The following MBD6 variants were observed in gnomAD, a reference collection of about 807,000 sequenced individuals.
MBD6 encodes the protein methyl-CpG binding domain protein 6.
MBD6 carries 22 observed loss-of-function variants against 66.8 expected under a neutral mutation model. The observed-to-expected ratio is 0.33, with a 90% CI of 0.24 to 0.47. The LOEUF is 0.47. Ranked by LOEUF, MBD6 falls within the 20% of genes least tolerant of loss-of-function variation. The pLI is 1.00. For missense variants in MBD6, 1,322 were observed against 1,286.9 expected (o/e 1.03, Z -0.42); for synonymous variants, 540 against 534.6 (o/e 1.01, Z -0.14).
intron 6 of MBD6, 32 bp downstream of exon 6, chr12:57,526,420 C>T: frequency 6.5e-7 from 1 of 1,537,412 alleles, no homozygotes; most frequent in South Asian, 1.3e-5. Context: ...CTTCCTCATC[C>T]TGGCTGGAAA....
upstream of MBD6, chr12:57,521,487 A>T (rs898157013): frequency 6.6e-6 from 1 of 152,266 alleles, no homozygotes; most frequent in Non-Finnish European, 1.5e-5. Context: ...CAAAACAAAC[A>T]AACAAAAAAA....
Position 57,524,554 on chromosome 12 carries a change from T to G in MBD6, c.113+138T>G. The G allele has an allele frequency of 3.8e-6, 4 of 1,050,960 alleles. No individual in the cohort carries two copies. In the Admixed American group the frequency reaches 7.9e-5, roughly 21 times the overall value. 65.1% of individuals were successfully genotyped at this position (1,050,960 alleles called of 1,614,324 possible). A position where few individuals can be genotyped will look rare whatever the true frequency, so the allele number is the denominator to read the frequency against. ...CCTTCCTTCCTCAGCCTTTTTGCTT[T>G]CTGTAGCTCTGGGCCTTTGAATCCA... On this transcript the variant is annotated intron_variant, in intron 3 of 12. Coordinates refer to ENST00000355673, the MANE Select transcript of MBD6 (RefSeq NM_052897.4).
chr12:57,528,199 C>T lies in MBD6; in HGVS notation c.2459C>T (p.Ser820Leu). The T allele has an allele frequency of 6.2e-7, 1 of 1,611,826 alleles. No individual in the cohort carries two copies. Among genetic ancestry groups the T allele is most frequent in the South Asian group, 1.1e-5 (1 of 90,944 alleles). ...TGTCTACCCCCCGAGAGCCCTGCCTCAGCCCTCGAACCAGAGCCTGCCAGG... is the reference window on the plus strand; with the variant it reads ...TGTCTACCCCCCGAGAGCCCTGCCTTAGCCCTCGAACCAGAGCCTGCCAGG... The part of the protein sequence containing the change: ...APCLPPESPA[S>L]ALEPEPARPP... The change falls in exon 10 of 13, where the codon TCA becomes TTA. Residue 820 changes from serine (S) to leucine (L), a missense_variant. Transcript: ENST00000355673.
At chr12:57,524,563 C>G in intron 3 of MBD6, 147 bp downstream of exon 3, 1 of 1,046,810 alleles carries the variant, frequency 9.6e-7, no homozygotes, top group Non-Finnish European at 1.4e-6. Context: ...TTCTGTAGCT[C>G]TGGGCCTTTG....
Position 57,525,916 on chromosome 12 carries a change from C to A in MBD6, c.948C>A (p.Pro316=). The A allele has an allele frequency of 1.2e-6, 2 of 1,613,098 alleles. No individual in the cohort carries two copies. The highest frequency in any genetic ancestry group is 1.7e-6 in the Non-Finnish European group (2 of 1,179,406). The stretch of plus-strand genomic sequence containing the variant: ...CCACGGTGGAGGGGCCTGGGGCACC[C>A]CCCTTCCTTGCTAGCAGCCTACTCT... ...GAPTVEGPGA[P]PFLASSLLSA... is the part of the protein sequence containing the mutation. Residue 316 remains proline (P), a synonymous_variant, in exon 6 of 13, where the codon CCC becomes CCA. Transcript: ENST00000355673.
chr12:57,529,324 CAGTG>C lies in MBD6; in HGVS notation c.*91_*94del, dbSNP rs1879362550. 7.5e-7 allele frequency: 1 copy of C among 1,338,284 alleles called. No homozygotes were observed. The highest frequency in any genetic ancestry group is 1.1e-6 in the Non-Finnish European group (1 of 943,020). The allele number at this position is 1,338,284 out of a possible 1,614,324, so 82.9% of individuals were successfully genotyped here. On this transcript the variant is annotated 3_prime_UTR_variant, in exon 13 of 13. Transcript: ENST00000355673. ...CCTGCCAGCCACCTGCACCTGTGGACAGTGGGTGGGGGCACTACTCCCCACTCAG... is the reference window on the plus strand; with the variant it reads ...CCTGCCAGCCACCTGCACCTGTGGACGGTGGGGGCACTACTCCCCACTCAG...
Position 57,528,169 on chromosome 12 carries a change from C to A in MBD6, c.2429C>A (p.Ala810Asp). 1 of 1,605,218 alleles carries A rather than the reference C, an allele frequency of 6.2e-7. No individual in the cohort carries two copies. The highest frequency in any genetic ancestry group is 8.5e-7 in the Non-Finnish European group (1 of 1,177,274). Reference sequence around the variant, plus strand: ...CAGATCCCTCCAGAGCAGCCAGAAGCCCCCTGTCTACCCCCCGAGAGCCCT... The same window carrying A: ...CAGATCCCTCCAGAGCAGCCAGAAGACCCCTGTCTACCCCCCGAGAGCCCT... ...SLQIPPEQPE[A>D]PCLPPESPAS... The change falls in exon 10 of 13, where the codon GCC becomes GAC. Residue 810 changes from alanine to aspartate, a missense_variant. By Grantham distance (126) the Ala-to-Asp change is moderately radical (BLOSUM62 -2). Transcript: ENST00000355673.
At position 57,527,517 on chromosome 12, in the gene MBD6, T is replaced by C. The variant is rs770963819; in HGVS notation, c.2093T>C (p.Leu698Pro). 1.2e-6 allele frequency: 2 copies of C among 1,614,022 alleles called. No individual in the cohort carries two copies. The highest frequency in any genetic ancestry group is 2.7e-5 in the African/African-American group (2 of 74,926). The change falls in exon 8 of 13, where the codon CTG (leucine) becomes CCG (proline). Residue 698 changes from leucine (L) to proline (P), a missense_variant. By Grantham distance (98) the Leu-to-Pro change is moderately conservative. Coordinates refer to ENST00000355673, the MANE Select transcript of MBD6 (RefSeq NM_052897.4). ...PSGTPPQPCV[L>P]SAPQPGPPTS... ...ATTCTTTTTTCTTAGCCCTGTGTCCTGAGTGCCCCCCAACCTGGACCACCT... is the reference window on the plus strand; with the variant it reads ...ATTCTTTTTTCTTAGCCCTGTGTCCCGAGTGCCCCCCAACCTGGACCACCT...
At position 57,525,250 on chromosome 12, in the gene MBD6, AGGGAGGTT is replaced by A. The variant is rs1171931001; in HGVS notation, c.380-93_380-86del. 9 of 1,484,552 alleles carry A rather than the reference AGGGAGGTT, an allele frequency of 6.1e-6. No individual in the cohort carries two copies. The Admixed American group carries it at 6.9e-5, about 11-fold the overall frequency. 92.0% of individuals were successfully genotyped at this position (1,484,552 alleles called of 1,614,324 possible). On this transcript the variant is annotated intron_variant, in intron 5 of 12. Transcript: ENST00000355673. ...GAGCTGCATGTTGAAAGGAGGGCAC[AGGGAGGTT>A]GGGAACTTGTGGGAGATGGGACTAG...
At position 57,527,088 on chromosome 12, in the gene MBD6, C is replaced by T. The variant is rs1396112504; in HGVS notation, c.1943C>T (p.Pro648Leu). 1 of 1,598,916 alleles carries T rather than the reference C, an allele frequency of 6.3e-7. No homozygotes were observed. The highest frequency in any genetic ancestry group is 1.1e-5 in the South Asian group (1 of 89,362). ...GEGSAEGAGG[P>L]SGEPFSGLGD... ...GGATCTGCAGAGGGAGCCGGGGGTC[C>T]AAGTGGGGAGCCATTTTCAGGCTTG... Residue 648 changes from proline to leucine, a missense_variant, in exon 7 of 13, where the codon CCA becomes CTA. Pro to Leu is a moderately conservative substitution (Grantham distance 98). Transcript: ENST00000355673.
At chr12:57,530,689 T>C (rs1169386142), downstream of MBD6, 1 of 1,613,454 alleles carries the variant, frequency 6.2e-7, no homozygotes, top group Non-Finnish European at 8.5e-7. Context: ...CCAAATGTGC[T>C]CACTTTCCCA....
Position 57,527,895 on chromosome 12 carries a change from T to C in MBD6, c.2284T>C (p.Leu762=), listed in dbSNP as rs1228811067. 6.2e-7 allele frequency: 1 copy of C among 1,613,912 alleles called. No homozygotes were observed. The highest frequency in any genetic ancestry group is 1.7e-5 in the Admixed American group (1 of 59,998). The change falls in exon 9 of 13, where the codon TTG becomes CTG. Residue 762 remains leucine, a synonymous_variant. Transcript: ENST00000355673. ...TSSPGALPSL[L]QPPGPLLSGQ... ...CAGCCCTGGAGCCCTCCCCAGCCTG[T>C]TGCAGCCTCCTGGCCCTCTTCTCTC...
chr12:57,530,951 C>G (rs117846281), downstream of MBD6, among the ~76,000 whole-genome samples: 223 of 152,290 alleles, frequency 1.5e-3, no homozygotes, highest in South Asian at 3.3e-3. Flanking sequence ...ATAGACCACG[C>G]TTGGGGTGAG....
Position 57,525,632 on chromosome 12 carries a change from C to T in MBD6, c.664C>T (p.Leu222Phe), listed in dbSNP as rs982498860. ...CCCACCTCCTCCACCTGCTATCAGC[C>T]TCAATGCTCCCTCATACAACTGGGG... ...PAPPPPPAIS[L>F]NAPSYNWGAA... Residue 222 changes from leucine to phenylalanine, a missense_variant, in exon 6 of 13, where the codon CTC becomes TTC. Leu to Phe is a conservative substitution (Grantham distance 22, BLOSUM62 0). Coordinates refer to ENST00000355673, the MANE Select transcript of MBD6 (RefSeq NM_052897.4). 6.8e-6 allele frequency: 11 copies of T among 1,613,868 alleles called. No homozygotes were observed. Among genetic ancestry groups the T allele is most frequent in the African/African-American group, 1.3e-5 (1 of 74,992 alleles).
downstream of MBD6, chr12:57,530,378 T>C (rs778533536): frequency 2.9e-5 from 9 of 312,260 alleles, no homozygotes; most frequent in Non-Finnish European, 4.9e-5. Context: ...AGAAGCTGTG[T>C]TGGGGGACAA....
At chr12:57,527,752 T>A (rs990709814) in intron 8 of MBD6, 92 bp downstream of exon 8, 1 of 1,555,814 alleles carries the variant, frequency 6.4e-7, no homozygotes, top group Non-Finnish European at 8.7e-7. Flanking sequence ...GGGAAGAAAG[T>A]CTTTGGCCAC....
rs781203008 is a variant in MBD6, at chr12:57,524,959, A to G, written c.223A>G (p.Asn75Asp). The G allele has an allele frequency of 6.2e-7, 1 of 1,600,294 alleles. No individual in the cohort carries two copies. Among genetic ancestry groups the G allele is most frequent in the Non-Finnish European group, 8.5e-7 (1 of 1,171,246 alleles). Reference sequence around the variant, plus strand: ...CTTGCTTTCCACCTTACAGGTTTTCAACTTTGACCCTTTGGCCCCGGTGAC... The same window carrying G: ...CTTGCTTTCCACCTTACAGGTTTTCGACTTTGACCCTTTGGCCCCGGTGAC... ...ECPLNVPKVFNFDPLAPVTPG... is the reference protein window; with the variant it reads ...ECPLNVPKVFDFDPLAPVTPG... Residue 75 changes from asparagine (N) to aspartate (D), a missense_variant, in exon 5 of 13, where the codon AAC becomes GAC. Coordinates refer to ENST00000355673, the MANE Select transcript of MBD6 (RefSeq NM_052897.4).
At chr12:57,523,857 A>G (rs1878628351) in intron 1 of MBD6, among the ~76,000 whole-genome samples, 172 bp from the exon 2 acceptor site, 1 of 152,184 alleles carries the variant, frequency 6.6e-6, no homozygotes, top group African/African-American at 2.4e-5. Context: ...TCTGGTCCCT[A>G]GGGACTGGGC....
At chr12:57,525,325 C>G in intron 5 of MBD6, 23 bp from the exon 6 acceptor site, 1 of 1,556,944 alleles carries the variant, frequency 6.4e-7, no homozygotes, top group African/African-American at 1.4e-5. Flanking sequence ...ACAGGCTGAC[C>G]CTTCATTTTT....
Sources: gnomAD v4.1 joint callset for allele counts (sites outside exome capture counted in the v4.1 genomes callset) on GRCh38, gnomAD v4.1.1 for gene constraint, MANE v1.5 for transcripts, NCBI Gene and HGNC (gene_info 2026-07-23, HGNC 2026-07-21) for gene names.